ERC2: variants seen among roughly 807,000 people sequenced by gnomAD.
The protein encoded by ERC2 is ELKS/RAB6-interacting/CAST family member 2, also known as ERC protein 2.
A neutral mutation model predicts 114.8 loss-of-function variants in ERC2; 42 were observed. The observed-to-expected ratio is 0.37, with a 90% CI of 0.29 to 0.47. ERC2 has a LOEUF of 0.47. ERC2 is among the 20% of genes least tolerant of loss of function. The pLI is 0.99. For missense variants in ERC2, 939 were observed against 1,150.7 expected, an observed-to-expected ratio of 0.82 and a Z score of 2.66; for synonymous variants, 454 against 425.5, an observed-to-expected ratio of 1.07 and a Z score of -0.82.
At chr3:55,847,297 T>A (rs191430685) in intron 14 of ERC2, among the ~76,000 whole-genome samples, 1 of 152,338 alleles carries the variant, frequency 6.6e-6, no homozygotes, top group Non-Finnish European at 1.5e-5. Flanking sequence ...CCCTCCTTTT[T>A]ATTGAGAGGG....
intron 15 of ERC2, among the ~76,000 whole-genome samples, chr3:55,714,675 A>G (rs1469032470): frequency 3.3e-3 from 21 of 6,458 alleles, no homozygotes; most frequent in African/African-American, 0.011. Flanking sequence ...GTGTATATAT[A>G]TATATATATA....
At chr3:55,850,517 A>G (rs887354060) in intron 14 of ERC2, among the ~76,000 whole-genome samples, 1 of 152,202 alleles carries the variant, frequency 6.6e-6, no homozygotes, top group African/African-American at 2.4e-5. Flanking sequence ...GTGGTAAAAG[A>G]CAGAGCTAGT....
chr3:55,727,926 G>GT lies in ERC2; in HGVS notation c.2712+6844dup, dbSNP rs372251152. ...GTCTTGCAATGTGGCAAGAAAGGGC[G>GT]TGGTGCCATTTTGTGGTCATCAGTT... On this transcript the variant is annotated intron_variant, in intron 15 of 17. Transcript: ENST00000288221. Among the ~76,000 whole-genome samples, 263 of 152,308 alleles carry GT rather than the reference G, an allele frequency of 1.7e-3. 1 individual carries two copies. Among genetic ancestry groups the GT allele is most frequent in the Middle Eastern group, 6.8e-3 (2 of 294 alleles).
At chr3:56,380,967 A>G (rs1560711953) in intron 2 of ERC2, among the ~76,000 whole-genome samples, 1 of 152,186 alleles carries the variant, frequency 6.6e-6, no homozygotes, top group Non-Finnish European at 1.5e-5. Flanking sequence ...ACAACTGCAG[A>G]AGAAAAGAAA....
intron 2 of ERC2, among the ~76,000 whole-genome samples, chr3:56,322,078 A>G (rs1485144295): frequency 1.3e-5 from 2 of 152,238 alleles, no homozygotes; most frequent in African/African-American, 4.8e-5. Flanking sequence ...ATCCTCAGGT[A>G]AATCACCTAA....
intron 2 of ERC2, among the ~76,000 whole-genome samples, chr3:56,352,574 A>C (rs7611307): frequency 0.31 from 46,713 of 152,094 alleles, 7,321 homozygotes; most frequent in Admixed American, 0.34. Flanking sequence ...TATTAGTTAT[A>C]TATTGCTACA....
intron 7 of ERC2, among the ~76,000 whole-genome samples, chr3:56,075,333 G>A (rs1019381335): frequency 2.0e-5 from 3 of 152,138 alleles, no homozygotes; most frequent in African/African-American, 7.2e-5. Flanking sequence ...GGGTGAGGGA[G>A]AGCAGCCGTC....
chr3:56,084,866 TTA>T (rs2077422499), intron 6 of ERC2, among the ~76,000 whole-genome samples: 1 of 94,352 alleles, frequency 1.1e-5, no homozygotes, highest in Non-Finnish European at 2.4e-5. Flanking sequence ...AATTTAAAAA[TTA>T]AAAAAAAAAA....
chr3:56,168,889 A>G (rs935342791), intron 4 of ERC2, among the ~76,000 whole-genome samples: 3 of 152,202 alleles, frequency 2.0e-5, no homozygotes, highest in South Asian at 2.1e-4. Flanking sequence ...ACTTTCACCA[A>G]TAGTACCACT....
intron 17 of ERC2, among the ~76,000 whole-genome samples, chr3:55,596,253 T>G (rs142689587): frequency 5.3e-5 from 8 of 152,134 alleles, no homozygotes; most frequent in African/African-American, 1.9e-4. Flanking sequence ...AATAGATTAG[T>G]TACAATAAAT....
intron 17 of ERC2, among the ~76,000 whole-genome samples, chr3:55,534,058 C>T (rs2053838247): frequency 6.6e-6 from 1 of 152,076 alleles, no homozygotes; most frequent in Non-Finnish European, 1.5e-5. Context: ...CAGCTTCATC[C>T]TCAGGAAAAG....
At chr3:55,573,771 T>A (rs997284137) in intron 17 of ERC2, among the ~76,000 whole-genome samples, 2 of 152,092 alleles carry the variant, frequency 1.3e-5, no homozygotes, top group African/African-American at 4.8e-5. Context: ...CCACGTGCCT[T>A]CAGCCTAAGT....
At chr3:55,986,798 A>C (rs2070676992) in intron 11 of ERC2, among the ~76,000 whole-genome samples, 1 of 151,514 alleles carries the variant, frequency 6.6e-6, no homozygotes, top group South Asian at 2.1e-4. Flanking sequence ...TTGTCAAGCA[A>C]AAAAAATAAA....
chr3:55,996,103 T>C (rs1378810701), intron 10 of ERC2, among the ~76,000 whole-genome samples: 1 of 152,218 alleles, frequency 6.6e-6, no homozygotes, highest in Non-Finnish European at 1.5e-5. Context: ...ATTCCTGCCA[T>C]GGCATTCTAA....
At chr3:55,616,608 C>T (rs866029874) in intron 17 of ERC2, among the ~76,000 whole-genome samples, 2 of 148,398 alleles carry the variant, frequency 1.3e-5, no homozygotes, top group African/African-American at 2.5e-5. Flanking sequence ...ACATTTTAAT[C>T]GTAAAAGCTA....
At chr3:56,236,366 G>A (rs773766599) in intron 3 of ERC2, among the ~76,000 whole-genome samples, 7 of 151,844 alleles carry the variant, frequency 4.6e-5, no homozygotes, top group Non-Finnish European at 7.4e-5. Context: ...GATAGTTTCC[G>A]ATCCTGAGAC....
chr3:56,424,365 G>T (rs1236809547), intron 2 of ERC2, among the ~76,000 whole-genome samples: 1 of 152,038 alleles, frequency 6.6e-6, no homozygotes, highest in African/African-American at 2.4e-5. Context: ...AATCATTTAG[G>T]TCTCCCAAGG....
intron 7 of ERC2, among the ~76,000 whole-genome samples, chr3:56,079,918 G>A (rs555820514): frequency 6.6e-6 from 1 of 152,274 alleles, no homozygotes; most frequent in East Asian, 1.9e-4. Flanking sequence ...GTGACACCAA[G>A]AACAGGGGAC....
chr3:56,140,680 GTGT>G (rs2080804419), intron 5 of ERC2, among the ~76,000 whole-genome samples: 1 of 152,138 alleles, frequency 6.6e-6, no homozygotes, highest in Non-Finnish European at 1.5e-5. Context: ...ATATTCTCAA[GTGT>G]CTATCTAAGA....
Sources: allele counts gnomAD v4.1 joint callset (sites outside exome capture counted in the v4.1 genomes callset), GRCh38; gene constraint gnomAD v4.1.1; transcripts MANE v1.5; gene names NCBI Gene and HGNC (gene_info 2026-07-23, HGNC 2026-07-21).